APIP: variants seen among roughly 807,000 people sequenced by gnomAD.
APIP encodes methylthioribulose-1-phosphate dehydratase.
Under a neutral mutation model 32.0 loss-of-function variants are expected in APIP, and 32 were observed. The ratio of observed to expected loss-of-function variants is 1.00; its 90% confidence interval spans 0.76 to 1.34. APIP has a LOEUF of 1.34. Among genes scored for constraint, APIP ranks in the 40% most tolerant of loss-of-function variants. The pLI, the probability that APIP is intolerant of heterozygous loss-of-function variation, is 0.00. For missense variants in APIP, 247 were observed against 298.6 expected, an observed-to-expected ratio of 0.83 and a Z score of 1.27; for synonymous variants, 92 against 94.8, an observed-to-expected ratio of 0.97 and a Z score of 0.17.
chr11:34,911,169 G>A (rs1325126113), intron 1 of APIP, among the ~76,000 whole-genome samples: 1 of 152,058 alleles, frequency 6.6e-6, no homozygotes, highest in Non-Finnish European at 1.5e-5. Context: ...GGCAGAGAAG[G>A]ATATGACCAT....
chr11:34,883,355 C>T lies in APIP; in HGVS notation c.611G>A (p.Trp204Ter). The change falls in exon 6 of 7, where the codon TGG (tryptophan) becomes TAG (stop). Residue 204 changes from tryptophan (W) to a stop codon, truncating the protein, a stop_gained. Coordinates refer to ENST00000395787, the MANE Select transcript of APIP (RefSeq NM_015957.4). LOFTEE classifies it high-confidence loss of function. ...RHGVYVWGET[W>*]EKAKTMCECY... ...CACTCACATGGTTTTGGCCTTCTCCCATGTTTCCCCCCACACATATACTCC... is the reference window on the plus strand; with the variant it reads ...CACTCACATGGTTTTGGCCTTCTCCTATGTTTCCCCCCACACATATACTCC... The T allele has an allele frequency of 6.2e-6, 10 of 1,610,544 alleles. No homozygotes were observed. The highest frequency in any genetic ancestry group is 8.5e-6 in the Non-Finnish European group (10 of 1,178,734).
intron 5 of APIP, 80 bp from the exon 6 acceptor site, chr11:34,883,584 T>A: frequency 6.9e-7 from 1 of 1,452,076 alleles, no homozygotes; most frequent in Non-Finnish European, 9.3e-7. Flanking sequence ...TTTTTTCAAG[T>A]AACCAGTTAG....
intron 1 of APIP, 193 bp downstream of exon 1, chr11:34,916,035 T>TGATC (rs1440817721): frequency 4.3e-5 from 30 of 694,668 alleles, no homozygotes; most frequent in Non-Finnish European, 6.9e-5. Context: ...CCGAGACCAC[T>TGATC]GATCTCCTGG....
intron 1 of APIP, among the ~76,000 whole-genome samples, chr11:34,914,148 A>G (rs908346288): frequency 1.3e-5 from 2 of 152,204 alleles, no homozygotes; most frequent in Non-Finnish European, 2.9e-5. Flanking sequence ...ATTCAAGTGT[A>G]TACTCCTAAA....
At position 34,883,332 on chromosome 11, in the gene APIP, C is replaced by T; in HGVS notation, c.629+5G>A. 6.2e-7 allele frequency: 1 copy of T among 1,603,086 alleles called. No individual in the cohort carries two copies. Among genetic ancestry groups the T allele is most frequent in the Non-Finnish European group, 8.5e-7 (1 of 1,175,270 alleles). Reference sequence around the variant, plus strand: ...TGTTCCCCATGTTCTCTGATTTACACTCACATGGTTTTGGCCTTCTCCCAT... The same window carrying T: ...TGTTCCCCATGTTCTCTGATTTACATTCACATGGTTTTGGCCTTCTCCCAT... On this transcript the variant is annotated splice_donor_5th_base_variant and intron_variant, in intron 6 of 6. Transcript: ENST00000395787.
chr11:34,912,268 T>C (rs1853565555), intron 1 of APIP, among the ~76,000 whole-genome samples: 1 of 152,182 alleles, frequency 6.6e-6, no homozygotes, highest in African/African-American at 2.4e-5. Context: ...AATTATTGAA[T>C]GGGCTACAGA....
At chr11:34,902,239 G>A (rs770923404) in intron 1 of APIP, among the ~76,000 whole-genome samples, 12 of 152,176 alleles carry the variant, frequency 7.9e-5, no homozygotes, top group Admixed American at 6.5e-5. Context: ...TAACATGGAC[G>A]GTGCTGCCTC....
chr11:34,905,455 T>G lies in APIP; in HGVS notation c.58-10345A>C, dbSNP rs932930819. Among the ~76,000 whole-genome samples the G allele has an allele frequency of 4.6e-5, 7 of 152,188 alleles. No individual in the cohort carries two copies. The East Asian group carries it at 1.3e-3, about 29-fold the overall frequency. ...TAGCAGGCATAAATTGGACATGGTA[T>G]GGGAGCAACACTCTGCTCCCAGTGC... is the stretch of plus-strand genomic sequence containing the variant. On this transcript the variant is annotated intron_variant, in intron 1 of 6. Coordinates refer to ENST00000395787, the MANE Select transcript of APIP (RefSeq NM_015957.4).
At chr11:34,906,567 T>C (rs958068792) in intron 1 of APIP, among the ~76,000 whole-genome samples, 8 of 152,174 alleles carry the variant, frequency 5.3e-5, no homozygotes, top group African/African-American at 1.4e-4. Flanking sequence ...GTAGGTACCA[T>C]AGAGGCACGA....
chr11:34,907,961 T>C (rs1412139100), intron 1 of APIP, among the ~76,000 whole-genome samples: 1 of 152,120 alleles, frequency 6.6e-6, no homozygotes, highest in Admixed American at 6.5e-5. Context: ...CCCTCCCCCA[T>C]CTTTTCTTTC....
chr11:34,897,675 A>G (rs1232984232), intron 1 of APIP, among the ~76,000 whole-genome samples: 1 of 152,150 alleles, frequency 6.6e-6, no homozygotes, highest in Non-Finnish European at 1.5e-5. Context: ...CAGCCATTAG[A>G]AACCGGGTCC....
At chr11:34,900,900 C>A (rs1023781746) in intron 1 of APIP, among the ~76,000 whole-genome samples, 1 of 152,062 alleles carries the variant, frequency 6.6e-6, no homozygotes. Context: ...AAACGAGAAT[C>A]CCACAGCCTT....
chr11:34,915,062 C>CAA (rs11368196), intron 1 of APIP, among the ~76,000 whole-genome samples: 41 of 138,048 alleles, frequency 3.0e-4, no homozygotes, highest in East Asian at 1.5e-3. Context: ...TTGAGTGCAG[C>CAA]AAAAAAAAAA....
intron 1 of APIP, among the ~76,000 whole-genome samples, chr11:34,901,214 C>A (rs1026784296): frequency 6.6e-6 from 1 of 152,104 alleles, no homozygotes; most frequent in African/African-American, 2.4e-5. Flanking sequence ...GGTGCATCCA[C>A]TAGCTGTTAT....
At chr11:34,899,423 A>G (rs2133915370) in intron 1 of APIP, among the ~76,000 whole-genome samples, 1 of 152,256 alleles carries the variant, frequency 6.6e-6, no homozygotes, top group East Asian at 1.9e-4. Flanking sequence ...ACGTTCCTTT[A>G]AGGCACCTAT....
chr11:34,907,898 A>C (rs1277329611), intron 1 of APIP, among the ~76,000 whole-genome samples: 1 of 152,080 alleles, frequency 6.6e-6, no homozygotes, highest in Non-Finnish European at 1.5e-5. Flanking sequence ...TTTTAAGGAA[A>C]TCAGCCTGGC....
At chr11:34,911,992 C>T (rs961676837) in intron 1 of APIP, among the ~76,000 whole-genome samples, 2 of 152,152 alleles carry the variant, frequency 1.3e-5, no homozygotes, top group African/African-American at 4.8e-5. Context: ...CATTTTTCAG[C>T]CTGGACTTCA....
chr11:34,883,529 T>C (rs1853007934), intron 5 of APIP, 25 bp from the exon 6 acceptor site: 4 of 1,607,560 alleles, frequency 2.5e-6, no homozygotes, highest in African/African-American at 1.3e-5. Flanking sequence ...AAGCCATTTT[T>C]TTCCATTAAA....
At chr11:34,909,740 C>CT (rs1853515659) in intron 1 of APIP, among the ~76,000 whole-genome samples, 1 of 152,064 alleles carries the variant, frequency 6.6e-6, no homozygotes, top group African/African-American at 2.4e-5. Context: ...TGACAACAGT[C>CT]TTACCAGAAA....
Sources: gnomAD v4.1 joint callset for allele counts (sites outside exome capture counted in the v4.1 genomes callset) on GRCh38, gnomAD v4.1.1 for gene constraint, MANE v1.5 for transcripts, NCBI Gene and HGNC (gene_info 2026-07-23, HGNC 2026-07-21) for gene names.